Variants in OSBPL1A observed in about 807,000 individuals in gnomAD.
The protein encoded by OSBPL1A is oxysterol-binding protein-related protein 1.
In OSBPL1A, 80 loss-of-function variants were observed where a neutral mutation model predicts 137.1. The ratio of observed to expected loss-of-function variants is 0.58; its 90% CI spans 0.49 to 0.70. OSBPL1A has a LOEUF of 0.70. Ranked by LOEUF, OSBPL1A falls within the 30% of genes least tolerant of loss-of-function variation. The probability of loss-of-function intolerance (pLI) is 0.00; values close to 1 mark genes in which losing one functional copy is unlikely to be tolerated. For missense variants in OSBPL1A, 970 were observed against 1,129.4 expected, an observed-to-expected ratio of 0.86 and a Z score of 2.02; for synonymous variants, 365 against 389.7, an observed-to-expected ratio of 0.94 and a Z score of 0.75.
intron 17 of OSBPL1A, among the ~76,000 whole-genome samples, chr18:24,205,410 AC>A (rs1455655176): frequency 1.4e-4 from 22 of 152,206 alleles, no homozygotes; most frequent in Admixed American, 1.4e-3. Flanking sequence ...TGGTAATATA[AC>A]CAGCATTTTA....
intron 15 of OSBPL1A, chr18:24,272,014 C>T: frequency 1.0e-6 from 1 of 981,528 alleles, no homozygotes; most frequent in Non-Finnish European, 1.2e-6. Context: ...CGGCGGGCGG[C>T]TCCCTGCGCG....
chr18:24,275,107 T>G (rs2089815560), intron 15 of OSBPL1A, among the ~76,000 whole-genome samples: 1 of 152,132 alleles, frequency 6.6e-6, no homozygotes. Context: ...GCAAGAACAG[T>G]TTCGGTGGAC....
intron 14 of OSBPL1A, among the ~76,000 whole-genome samples, chr18:24,300,817 GTCTCTCTC>G (rs146806503): frequency 1.3e-5 from 2 of 150,170 alleles, no homozygotes; most frequent in African/African-American, 4.9e-5. Flanking sequence ...CTATCAGTCT[GTCTCTCTC>G]TCTCTCTCTC....
chr18:24,272,785 A>AT (rs1191678676), intron 15 of OSBPL1A, among the ~76,000 whole-genome samples: 3 of 152,168 alleles, frequency 2.0e-5, no homozygotes, highest in African/African-American at 4.8e-5. Context: ...GGTAGCTGTA[A>AT]TTGCACTACA....
chr18:24,338,224 C>A (rs2091211691), intron 5 of OSBPL1A, among the ~76,000 whole-genome samples: 1 of 151,576 alleles, frequency 6.6e-6, no homozygotes. Flanking sequence ...AAGCACTTGC[C>A]ACCATGCCTG....
rs764920370 is a variant in OSBPL1A, at chr18:24,167,458, A to G, written c.2419-13T>C. The G allele has an allele frequency of 6.2e-7, 1 of 1,604,830 alleles. No individual in the cohort carries two copies. Among genetic ancestry groups the G allele is most frequent in the South Asian group, 1.1e-5 (1 of 90,892 alleles). ...CAGAGGTGCTCATCTAGAAAAACCAATCAATGAACAAAATTTAAGTAGAAA... is the reference window on the plus strand; with the variant it reads ...CAGAGGTGCTCATCTAGAAAAACCAGTCAATGAACAAAATTTAAGTAGAAA... On this transcript the variant is annotated splice_polypyrimidine_tract_variant and intron_variant, in intron 24 of 27. Coordinates refer to ENST00000319481, the MANE Select transcript of OSBPL1A (RefSeq NM_080597.4).
At chr18:24,192,383 C>G (rs1157647155) in intron 18 of OSBPL1A, among the ~76,000 whole-genome samples, 1 of 152,104 alleles carries the variant, frequency 6.6e-6, no homozygotes, top group East Asian at 1.9e-4. Context: ...TAAGCAAAGG[C>G]TTCAAATGAC....
chr18:24,176,813 T>C (rs2086460347), intron 21 of OSBPL1A, among the ~76,000 whole-genome samples: 1 of 152,190 alleles, frequency 6.6e-6, no homozygotes, highest in African/African-American at 2.4e-5. Flanking sequence ...GGCCCTTGTG[T>C]ACCCTTCTGG....
chr18:24,359,224 AAGAGAC>A (rs905729632), intron 4 of OSBPL1A, among the ~76,000 whole-genome samples: 9 of 151,576 alleles, frequency 5.9e-5, no homozygotes, highest in African/African-American at 2.2e-4. Flanking sequence ...TCTATAGAGA[AAGAGAC>A]AGAGACAGAG....
At chr18:24,377,377 C>T (rs183578911) in intron 2 of OSBPL1A, 36 bp downstream of exon 2, 2 of 1,587,522 alleles carry the variant, frequency 1.3e-6, no homozygotes, top group Admixed American at 1.9e-5. Flanking sequence ...AGTGCAGACT[C>T]ATAAGAGAAA....
At chr18:24,345,457 T>TG (rs1203264181) in intron 4 of OSBPL1A, among the ~76,000 whole-genome samples, 9 of 152,042 alleles carry the variant, frequency 5.9e-5, no homozygotes, top group African/African-American at 9.7e-5. Context: ...GAGGCCGAGG[T>TG]GGGCGGATCA....
intron 15 of OSBPL1A, among the ~76,000 whole-genome samples, chr18:24,250,696 G>A (rs908880406): frequency 1.3e-5 from 2 of 152,198 alleles, no homozygotes; most frequent in Non-Finnish European, 2.9e-5. Context: ...TGGTGGCTAT[G>A]GTCAAAGACT....
intron 14 of OSBPL1A, among the ~76,000 whole-genome samples, chr18:24,293,814 G>A (rs527388719): frequency 6.6e-6 from 1 of 152,260 alleles, no homozygotes; most frequent in African/African-American, 2.4e-5. Flanking sequence ...GGAAGCCACT[G>A]GATGTTTCCA....
intron 16 of OSBPL1A, among the ~76,000 whole-genome samples, chr18:24,230,398 C>T (rs1359523132): frequency 3.3e-5 from 5 of 152,084 alleles, no homozygotes; most frequent in African/African-American, 7.2e-5. Context: ...AAAAGGGTCA[C>T]GTTGGAAAGT....
chr18:24,200,493 C>T (rs1489858285), intron 17 of OSBPL1A, among the ~76,000 whole-genome samples: 3 of 147,240 alleles, frequency 2.0e-5, no homozygotes, highest in Middle Eastern at 3.6e-3. Flanking sequence ...ACCTGGGAAG[C>T]GGAGGTTGCA....
At chr18:24,329,021 C>G (rs1272444404) in intron 7 of OSBPL1A, among the ~76,000 whole-genome samples, 3 of 152,122 alleles carry the variant, frequency 2.0e-5, no homozygotes, top group African/African-American at 7.2e-5. Context: ...TAGAGCATAA[C>G]AGCCAGTCAA....
intron 16 of OSBPL1A, among the ~76,000 whole-genome samples, chr18:24,234,037 A>G (rs2088365576): frequency 6.6e-6 from 1 of 152,208 alleles, no homozygotes; most frequent in East Asian, 1.9e-4. Context: ...TTCTGCCCGG[A>G]GGAGTCAGGA....
intron 18 of OSBPL1A, among the ~76,000 whole-genome samples, chr18:24,186,512 T>G (rs987990896): frequency 2.0e-5 from 3 of 151,748 alleles, no homozygotes; most frequent in Non-Finnish European, 2.9e-5. Context: ...TCTCTAGGAG[T>G]TGGGGGCATA....
chr18:24,296,534 A>T (rs1376426167), intron 14 of OSBPL1A, among the ~76,000 whole-genome samples: 3 of 152,196 alleles, frequency 2.0e-5, no homozygotes, highest in Non-Finnish European at 4.4e-5. Flanking sequence ...GACTTCCAGT[A>T]CTACGTTGAA....
Sources: allele counts gnomAD v4.1 joint callset (sites outside exome capture counted in the v4.1 genomes callset), GRCh38; gene constraint gnomAD v4.1.1; transcripts MANE v1.5; gene names NCBI Gene and HGNC (gene_info 2026-07-23, HGNC 2026-07-21).